The following GPLD1 variants were observed in gnomAD, a reference collection of about 807,000 sequenced individuals.
The protein encoded by GPLD1 is phosphatidylinositol-glycan-specific phospholipase D.
In GPLD1, 84 loss-of-function variants were observed where a neutral mutation model predicts 112.6. The ratio of observed to expected loss-of-function variants is 0.75; its 90% CI spans 0.63 to 0.89. The LOEUF (loss-of-function observed/expected upper bound fraction) is 0.89, where lower values mean the gene tolerates loss of function less well. Among genes scored for constraint, GPLD1 ranks in the 40% least tolerant of loss-of-function variants. The pLI, the probability that GPLD1 is intolerant of heterozygous loss-of-function variation, is 0.00. For synonymous variants in GPLD1, 386 were observed against 403.8 expected, an observed-to-expected ratio of 0.96 and a Z score of 0.53; for missense variants, 1,044 against 1,051.5, an observed-to-expected ratio of 0.99 and a Z score of 0.10.
chr6:24,428,777 G>T lies in GPLD1; in HGVS notation c.*255C>A. The T allele has an allele frequency of 2.8e-6, 1 of 353,428 alleles. No individual in the cohort carries two copies. The allele number at this position is 353,428 out of a possible 1,614,324, so 21.9% of individuals were successfully genotyped here. A position where few individuals can be genotyped will look rare whatever the true frequency, so the allele number is the denominator to read the frequency against. ...AAGGTTTAGATGCAAAGGGAGCGAG[G>T]AAGTAAACTGTGGAAGGAGACATGA... On this transcript the variant is annotated 3_prime_UTR_variant, in exon 25 of 25. Coordinates refer to ENST00000230036, the MANE Select transcript of GPLD1 (RefSeq NM_001503.4).
At chr6:24,472,527 T>G in intron 7 of GPLD1, 55 bp downstream of exon 7, 1 of 980,068 alleles carries the variant, frequency 1.0e-6, no homozygotes, top group Non-Finnish European at 1.6e-6. Context: ...AGAAAAAAAG[T>G]CAAGGCTCTA....
In GPLD1 at chr6:24,459,710, TCTTCA is replaced by T. The variant is rs1195619330; in HGVS notation, c.1008+564_1008+568del. Reference sequence around the variant, plus strand: ...TCATTTTATATCCCCCAGTAGAGTGTCTTCACTTAACAGCTAACTTCATTGATTAA... The same window carrying T: ...TCATTTTATATCCCCCAGTAGAGTGTCTTAACAGCTAACTTCATTGATTAA... On this transcript the variant is annotated intron_variant, in intron 12 of 24. Coordinates refer to ENST00000230036, the MANE Select transcript of GPLD1 (RefSeq NM_001503.4). Among the ~76,000 whole-genome samples the T allele has an allele frequency of 4.6e-5, 7 of 152,232 alleles. No individual in the cohort carries two copies. The South Asian group carries it at 6.2e-4, about 13-fold the overall frequency.
chr6:24,484,381 A>C (rs546620243), intron 2 of GPLD1, among the ~76,000 whole-genome samples: 1 of 151,766 alleles, frequency 6.6e-6, no homozygotes, highest in Non-Finnish European at 1.5e-5. Flanking sequence ...ACGGCCAGCT[A>C]ATTTTTGTAT....
intron 11 of GPLD1, among the ~76,000 whole-genome samples, chr6:24,462,147 T>G (rs1302329382): frequency 6.6e-6 from 1 of 152,186 alleles, no homozygotes; most frequent in African/African-American, 2.4e-5. Flanking sequence ...TTCTTTCTTT[T>G]TTTGAGACAG....
Position 24,451,416 on chromosome 6 carries a change from G to T in GPLD1, c.1336-1517C>A, listed in dbSNP as rs116306515. ...AGAGTGCAATAGTGCTTGGCTCACC[G>T]CAACCTCCGCCTCCTGGGTTCAAGC... On this transcript the variant is annotated intron_variant, in intron 14 of 24. Coordinates refer to ENST00000230036, the MANE Select transcript of GPLD1 (RefSeq NM_001503.4). Among the ~76,000 whole-genome samples, 13 of 152,214 alleles carry T rather than the reference G, an allele frequency of 8.5e-5. No homozygotes were observed. In the East Asian group the frequency reaches 1.7e-3, roughly 20 times the overall value.
In GPLD1 at chr6:24,427,709, A is replaced by G. The variant is rs1279402537; in HGVS notation, c.*1323T>C. 6.6e-6 allele frequency among the ~76,000 whole-genome samples: 1 copy of G among 151,808 alleles called. No individual in the cohort carries two copies. Among genetic ancestry groups the G allele is most frequent in the African/African-American group, 2.4e-5 (1 of 41,322 alleles). On this transcript the variant is annotated 3_prime_UTR_variant, in exon 25 of 25. Transcript: ENST00000230036. The stretch of plus-strand genomic sequence containing the variant: ...AAAAATACAAAAATTAGCCGGGCGT[A>G]GTATTGTGCACCTGTAGTCCCAGCT...
At chr6:24,467,905 G>T (rs1476232390) in intron 7 of GPLD1, among the ~76,000 whole-genome samples, 3 of 151,482 alleles carry the variant, frequency 2.0e-5, no homozygotes, top group Non-Finnish European at 4.4e-5. Flanking sequence ...TTTGTTTTCT[G>T]TTTTTTGTTT....
At chr6:24,471,338 A>G (rs1007830358) in intron 7 of GPLD1, among the ~76,000 whole-genome samples, 17 of 152,086 alleles carry the variant, frequency 1.1e-4, no homozygotes, top group Non-Finnish European at 2.4e-4. Context: ...CTTACAAAAC[A>G]TTAAAAAATT....
At chr6:24,494,961 G>A (rs767653437) in intron 1 of GPLD1, 2 of 1,294,484 alleles carry the variant, frequency 1.5e-6, no homozygotes, top group Admixed American at 3.2e-5. Context: ...GCGCGCGCCC[G>A]CTTGCCTGTT....
Position 24,467,192 on chromosome 6 carries a change from A to T in GPLD1, c.628T>A (p.Cys210Ser), listed in dbSNP as rs1452372176. Reference protein sequence around the residue: ...KVITENVIVDCSHIQFLEMYG... With the variant: ...KVITENVIVDSSHIQFLEMYG... ...ATTTCTAAGAACTGGATATGTGAAC[A>T]ATCAACGATTACATTTTCGGTGATG... The change falls in exon 8 of 25, where the codon TGT becomes AGT. Residue 210 changes from cysteine (C) to serine (S), a missense_variant. By Grantham distance (112) the Cys-to-Ser change is moderately radical. Transcript: ENST00000230036. The T allele has an allele frequency of 2.4e-5, 38 of 1,596,140 alleles. 1 individual carries two copies. The Admixed American group carries it at 6.2e-4, about 26-fold the overall frequency.
chr6:24,490,890 A>AG (rs1251794371), upstream of GPLD1, among the ~76,000 whole-genome samples: 4 of 152,206 alleles, frequency 2.6e-5, no homozygotes, highest in Non-Finnish European at 5.9e-5. Context: ...CCCAGACCTG[A>AG]GGGGCAGTAG....
At chr6:24,478,040 C>T (rs993235902) in intron 3 of GPLD1, among the ~76,000 whole-genome samples, 2 of 152,208 alleles carry the variant, frequency 1.3e-5, no homozygotes, top group Non-Finnish European at 2.9e-5. Context: ...AAATACTTTA[C>T]ATTCCTTTTC....
intron 22 of GPLD1, chr6:24,435,905 A>C (rs967744923): frequency 2.0e-5 from 3 of 151,594 alleles, no homozygotes; most frequent in African/African-American, 7.3e-5. Context: ...AAACTCACCC[A>C]AAAAAGGAAT....
In GPLD1 at chr6:24,475,212, G is replaced by A. The variant is rs753068833; in HGVS notation, c.350C>T (p.Ala117Val). ...GTGAGAAGTAATTCCAAACAAGAAA[G>A]CTACCAGTTTCTCTGTGTCCTGCCA... ...PWEKDTEKLV[A>V]FLFGITSHMA... The change falls in exon 5 of 25, where the codon GCT becomes GTT. Residue 117 changes from alanine to valine, a missense_variant. By Grantham distance (64) the Ala-to-Val change is moderately conservative. Transcript: ENST00000230036. 1 of 1,605,522 alleles carries A rather than the reference G, an allele frequency of 6.2e-7. No individual in the cohort carries two copies. The highest frequency in any genetic ancestry group is 1.1e-5 in the South Asian group (1 of 90,898).
At chr6:24,486,805 G>A (rs773622602) in intron 1 of GPLD1, among the ~76,000 whole-genome samples, 7 of 108,492 alleles carry the variant, frequency 6.5e-5, no homozygotes, top group Non-Finnish European at 1.4e-4. Context: ...GCAACAGAGC[G>A]AGGCTCTGTC....
intron 2 of GPLD1, among the ~76,000 whole-genome samples, chr6:24,483,856 G>C (rs1306270232): frequency 6.6e-6 from 1 of 151,454 alleles, no homozygotes; most frequent in Non-Finnish European, 1.5e-5. Flanking sequence ...CGATTCTCCT[G>C]CCTCAGCCTT....
At chr6:24,471,742 C>A (rs114370210) in intron 7 of GPLD1, among the ~76,000 whole-genome samples, 15 of 152,110 alleles carry the variant, frequency 9.9e-5, no homozygotes, top group African/African-American at 3.4e-4. Context: ...ATTTAAGAGA[C>A]AGGGTCTCAC....
Position 24,447,994 on chromosome 6 carries a change from C to G in GPLD1, c.1561G>C (p.Asp521His), listed in dbSNP as rs780808383. 5 of 1,613,814 alleles carry G rather than the reference C, an allele frequency of 3.1e-6. No individual in the cohort carries two copies. The South Asian group carries it at 4.4e-5, about 14-fold the overall frequency. ...TCGGGTTCACTGTCTCCATTCACAT[C>G]TGCAGCCAAGAGAGTCCAGCCCAAG... is the stretch of plus-strand genomic sequence containing the variant. Reference protein sequence around the residue: ...CNLGWTLLAADVNGDSEPDLV... With the variant: ...CNLGWTLLAAHVNGDSEPDLV... The change falls in exon 17 of 25, where the codon GAT becomes CAT. Residue 521 changes from aspartate (D) to histidine (H), a missense_variant. Transcript: ENST00000230036.
At chr6:24,459,554 T>C (rs1055732796) in intron 12 of GPLD1, among the ~76,000 whole-genome samples, 5 of 152,114 alleles carry the variant, frequency 3.3e-5, no homozygotes, top group African/African-American at 1.2e-4. Flanking sequence ...ACCACGCCCA[T>C]TCTCCCTACT....
Sources: allele counts gnomAD v4.1 joint callset (sites outside exome capture counted in the v4.1 genomes callset), GRCh38; gene constraint gnomAD v4.1.1; transcripts MANE v1.5; gene names NCBI Gene and HGNC (gene_info 2026-07-23, HGNC 2026-07-21).